The following ZAN variants were observed in gnomAD, a reference collection of about 807,000 sequenced individuals.
ZAN encodes the protein zonadhesin (gene/pseudogene).
In ZAN, 260 loss-of-function variants were observed where a neutral mutation model predicts 286.2. The observed-to-expected ratio is 0.91, with a 90% CI of 0.82 to 1.01. ZAN has a LOEUF of 1.01. Ranked by LOEUF, ZAN falls within the 50% of genes least tolerant of loss-of-function variation. The probability of loss-of-function intolerance (pLI) is 0.00; values close to 1 mark genes in which losing one functional copy is unlikely to be tolerated. For synonymous variants in ZAN, 1,368 were observed against 1,417.5 expected, an observed-to-expected ratio of 0.97 and a Z score of 0.79; for missense variants, 3,410 against 3,639.2, an observed-to-expected ratio of 0.94 and a Z score of 1.62.
Position 100,750,675 on chromosome 7 carries a change from T to G in ZAN, c.1300T>G (p.Ser434Ala). The G allele has an allele frequency of 6.2e-7, 1 of 1,613,414 alleles. No individual in the cohort carries two copies. The change falls in exon 12 of 48, where the codon TCA becomes GCA. Residue 434 changes from serine to alanine, a missense_variant. By Grantham distance (99) the Ser-to-Ala change is moderately conservative. Transcript: ENST00000613979. ...EADEFSQAGQ[S>A]VRLVSRPFCA... ...TGACGAGTTCTCCCAGGCAGGCCAG[T>G]CAGTCAGACTGGTGAGCCGGCCCTT...
Position 100,788,129 on chromosome 7 carries a change from A to T in ZAN, c.7220A>T (p.Glu2407Val). Reference protein sequence around the residue: ...GYKVQLQAGLELVVNNQKMAV... With the variant: ...GYKVQLQAGLVLVVNNQKMAV... ...AAAGTGCAGCTCCAAGCTGGTCTGGAGCTTGTGGTAAGAGCTGGGCCAGGG... is the reference window on the plus strand; with the variant it reads ...AAAGTGCAGCTCCAAGCTGGTCTGGTGCTTGTGGTAAGAGCTGGGCCAGGG... The change falls in exon 38 of 48, where the codon GAG becomes GTG. Residue 2407 changes from glutamate (E) to valine (V), a missense_variant. Coordinates refer to ENST00000613979, the MANE Select transcript of ZAN (RefSeq NM_003386.3). 6.7e-7 allele frequency: 1 copy of T among 1,493,450 alleles called. No homozygotes were observed. Among genetic ancestry groups the T allele is most frequent in the Non-Finnish European group, 9.0e-7 (1 of 1,107,052 alleles). 92.5% of individuals were successfully genotyped at this position (1,493,450 alleles called of 1,614,324 possible). A position where few individuals can be genotyped will look rare whatever the true frequency, so the allele number is the denominator to read the frequency against.
At chr7:100,769,808 A>G (rs1324336998) in intron 27 of ZAN, 72 bp from the exon 28 acceptor site, 3 of 1,397,268 alleles carry the variant, frequency 2.1e-6, no homozygotes, top group Non-Finnish European at 3.0e-6. Flanking sequence ...TGGCTTCCCA[A>G]AGTGCTGGGA....
intron 15 of ZAN, 39 bp downstream of exon 15, chr7:100,755,449 T>C (rs1280852257): frequency 1.3e-6 from 2 of 1,597,086 alleles, no homozygotes; most frequent in Non-Finnish European, 1.7e-6. Context: ...TGAGGGAGAT[T>C]GATGGCAGAA....
intron 15 of ZAN, among the ~76,000 whole-genome samples, chr7:100,756,527 G>A (rs1435449224): frequency 6.6e-6 from 1 of 151,704 alleles, no homozygotes; most frequent in African/African-American, 2.4e-5. Flanking sequence ...GCTTCTGCTT[G>A]TCCCTTTTGG....
chr7:100,738,163 G>C (rs972389815), intron 6 of ZAN, among the ~76,000 whole-genome samples: 2 of 139,678 alleles, frequency 1.4e-5, no homozygotes, highest in Non-Finnish European at 1.6e-5. Flanking sequence ...CATTGTGTTG[G>C]CAAGGCTGTT....
chr7:100,748,019 T>G, intron 9 of ZAN, 118 bp from the exon 10 acceptor site: 1 of 773,464 alleles, frequency 1.3e-6, no homozygotes, highest in Non-Finnish European at 2.1e-6. Flanking sequence ...AAGAACTGAA[T>G]TGAGGGTCTG....
In ZAN at chr7:100,772,109, T is replaced by G. The variant is rs989924881; in HGVS notation, c.5425+89T>G. On this transcript the variant is annotated intron_variant, in intron 29 of 47. Transcript: ENST00000613979. Reference sequence around the variant, plus strand: ...CTTCCTCTAAATTCTTTTTTTTTTTTTTGAGACGGAGTCTCACTCTGTTGC... The same window carrying G: ...CTTCCTCTAAATTCTTTTTTTTTTTGTTGAGACGGAGTCTCACTCTGTTGC... The G allele has an allele frequency of 2.8e-5, 39 of 1,399,180 alleles. 1 individual carries two copies. The African/African-American group carries it at 5.7e-4, about 20-fold the overall frequency. 86.7% of individuals were successfully genotyped at this position (1,399,180 alleles called of 1,614,324 possible). A position where few individuals can be genotyped will look rare whatever the true frequency, so the allele number is the denominator to read the frequency against.
chr7:100,768,065 C>T (rs1041843474), intron 26 of ZAN, 54 bp downstream of exon 26: 2 of 1,556,246 alleles, frequency 1.3e-6, no homozygotes, highest in Non-Finnish European at 1.7e-6. Flanking sequence ...AGGCGTGTGA[C>T]CTGGTCCCAG....
At chr7:100,757,122 T>C (rs960470296) in intron 15 of ZAN, among the ~76,000 whole-genome samples, 15 of 152,078 alleles carry the variant, frequency 9.9e-5, no homozygotes, top group Admixed American at 9.2e-4. Flanking sequence ...ATTTAGTACT[T>C]TCTTCAAAGG....
Position 100,793,002 on chromosome 7 carries a change from GA to G in ZAN, c.7787+526del, listed in dbSNP as rs1292224151. On this transcript the variant is annotated intron_variant, in intron 42 of 47. Transcript: ENST00000613979. Reference sequence around the variant, plus strand: ...TATCTCAAAAAAAAAAAAAAAGAAAGAAAGAAAGAAAGAACGAAAAAAAGAA... The same window carrying G: ...TATCTCAAAAAAAAAAAAAAAGAAAGAAGAAAGAAAGAACGAAAAAAAGAA... 4.4e-5 allele frequency among the ~76,000 whole-genome samples: 4 copies of G among 90,720 alleles called. No individual in the cohort carries two copies. In the East Asian group the frequency reaches 9.0e-4, roughly 21 times the overall value. 59.5% of individuals were successfully genotyped at this position (90,720 alleles called of 152,430 possible).
At position 100,779,472 on chromosome 7, in the gene ZAN, A is replaced by G; in HGVS notation, c.6344A>G (p.Gln2115Arg). ...PSCQSLLVDE[Q>R]QIPAEQQENP... ...TGTCAGAGTCTCCTGGTAGATGAGC[A>G]GCAGATTCCAGCGGAACAGCAGGAG... The change falls in exon 35 of 48, where the codon CAG becomes CGG. Residue 2115 changes from glutamine to arginine, a missense_variant. Around this residue, in one of 7 missense-constraint regions of ZAN, gnomAD observed 1,289 missense variants for 1,314.3 expected, o/e 0.98. Coordinates refer to ENST00000613979, the MANE Select transcript of ZAN (RefSeq NM_003386.3). 1.2e-6 allele frequency: 2 copies of G among 1,609,162 alleles called. No individual in the cohort carries two copies. Among genetic ancestry groups the G allele is most frequent in the Non-Finnish European group, 1.7e-6 (2 of 1,177,400 alleles).
chr7:100,760,375 C>A lies in ZAN; in HGVS notation c.3697-16C>A, dbSNP rs372942610. ...CCCCAGCTCTGTCTGTCTCTTGCCT[C>A]TGCCCTGCCTTCCAGGTTGGGGGTC... On this transcript the variant is annotated splice_polypyrimidine_tract_variant and intron_variant, in intron 18 of 47. Coordinates refer to ENST00000613979, the MANE Select transcript of ZAN (RefSeq NM_003386.3). 19 of 1,613,038 alleles carry A rather than the reference C, an allele frequency of 1.2e-5. No homozygotes were observed. Among genetic ancestry groups the A allele is most frequent in the African/African-American group, 2.7e-5 (2 of 74,906 alleles).
intron 9 of ZAN, among the ~76,000 whole-genome samples, 200 bp from the exon 10 acceptor site, chr7:100,747,937 A>G (rs1443752991): frequency 1.3e-5 from 2 of 150,484 alleles, no homozygotes; most frequent in African/African-American, 4.9e-5. Context: ...GGCTGCAGTG[A>G]GCTATGATCA....
At chr7:100,738,351 G>C in intron 6 of ZAN, 110 bp from the exon 7 acceptor site, 1 of 1,086,080 alleles carries the variant, frequency 9.2e-7, no homozygotes, top group Non-Finnish European at 1.3e-6. Context: ...CCAGGAGTTC[G>C]AGGCCGCAGT....
rs374891408 is a variant in ZAN at position 100,750,713 on chromosome 7, T to A, written c.1338T>A (p.Gly446=). Residue 446 remains glycine, a synonymous_variant, in exon 12 of 48, where the codon GGT becomes GGA. Coordinates refer to ENST00000613979, the MANE Select transcript of ZAN (RefSeq NM_003386.3). ...RLVSRPFCAP[G]DICVEFAYHM... The stretch of plus-strand genomic sequence containing the variant: ...TGAGCCGGCCCTTCTGCGCCCCAGG[T>A]GACATCTGCGTGGAGTTCGCATACC... The A allele has an allele frequency of 6.2e-7, 1 of 1,612,980 alleles. No homozygotes were observed. The highest frequency in any genetic ancestry group is 1.3e-5 in the African/African-American group (1 of 74,902).
At chr7:100,783,937 G>C (rs944764088) in intron 35 of ZAN, among the ~76,000 whole-genome samples, 1 of 148,384 alleles carries the variant, frequency 6.7e-6, no homozygotes, top group Admixed American at 6.9e-5. Context: ...ATTTCCATTT[G>C]TTCACACTAT....
chr7:100,779,574 T>C lies in ZAN; in HGVS notation c.6446T>C (p.Val2149Ala). Residue 2149 changes from valine (V) to alanine (A), a missense_variant, in exon 35 of 48, where the codon GTG becomes GCG. Physicochemically the swap from Val to Ala is moderately conservative, Grantham distance 64. Transcript: ENST00000613979. ...EKCEAALRAP[V>A]WAQCASRIDL... Reference sequence around the variant, plus strand: ...TGCGAGGCAGCGCTCCGGGCTCCTGTGTGGGCCCAGTGCGCCTCCCGCATA... The same window carrying C: ...TGCGAGGCAGCGCTCCGGGCTCCTGCGTGGGCCCAGTGCGCCTCCCGCATA... 6.2e-7 allele frequency: 1 copy of C among 1,610,634 alleles called. No homozygotes were observed. The highest frequency in any genetic ancestry group is 1.1e-5 in the South Asian group (1 of 90,386).
At chr7:100,779,371 C>A in intron 34 of ZAN, 75 bp from the exon 35 acceptor site, 1 of 1,429,260 alleles carries the variant, frequency 7.0e-7, no homozygotes, top group Admixed American at 2.3e-5. Context: ...GAGCAAGACT[C>A]CCCCTAAAGA....
intron 9 of ZAN, 69 bp downstream of exon 9, chr7:100,747,710 G>A (rs942937898): frequency 1.3e-5 from 19 of 1,449,122 alleles, no homozygotes; most frequent in Non-Finnish European, 1.5e-5. Context: ...AAATTGAGGG[G>A]CCTGGTGCTG....
Sources: allele counts gnomAD v4.1 joint callset (sites outside exome capture counted in the v4.1 genomes callset), GRCh38; gene constraint gnomAD v4.1.1; regional missense constraint gnomAD v4.1.1; transcripts MANE v1.5; gene names NCBI Gene and HGNC (gene_info 2026-07-23, HGNC 2026-07-21).